Variants in GALNT13 observed in about 807,000 individuals in gnomAD.
GALNT13 encodes UDP-GalNAc:polypeptide N-acetylgalactosaminyltransferase 13.
GALNT13 carries 28 observed loss-of-function variants against 64.2 expected under a neutral mutation model. The observed-to-expected ratio is 0.44, with a 90% confidence interval of 0.32 to 0.60. The LOEUF (loss-of-function observed/expected upper bound fraction) is 0.60. GALNT13 is among the 20% of genes least tolerant of loss of function. The pLI is 0.05. For synonymous variants in GALNT13, 214 were observed against 224.6 expected, an observed-to-expected ratio of 0.95 and a Z score of 0.42; for missense variants, 577 against 669.8, an observed-to-expected ratio of 0.86 and a Z score of 1.53.
the GALNT13 span, among the ~76,000 whole-genome samples, chr2:153,414,061 CA>C: frequency 4.6e-5 from 7 of 152,090 alleles, no homozygotes; most frequent in East Asian, 9.6e-4. Flanking sequence ...AAATTTTAAA[CA>C]ACCTTATTTC....
the GALNT13 span, among the ~76,000 whole-genome samples, chr2:153,469,804 T>G: frequency 1.3e-5 from 2 of 152,018 alleles, no homozygotes; most frequent in Admixed American, 1.3e-4. Flanking sequence ...AACATAAAAT[T>G]TACCATTTCA....
At chr2:153,875,574 A>G (rs1276008524) in intron 1 of GALNT13, among the ~76,000 whole-genome samples, 3 of 152,182 alleles carry the variant, frequency 2.0e-5, no homozygotes, top group Non-Finnish European at 4.4e-5. Flanking sequence ...GAGCATTTTC[A>G]TGTAATAGAG....
At chr2:153,554,986 T>C in the GALNT13 span, among the ~76,000 whole-genome samples, 26,152 of 152,024 alleles carry the variant, frequency 0.17, 2,362 homozygotes, top group South Asian at 0.24. Context: ...CCAGGCCTAA[T>C]ATATCACCTA....
chr2:153,501,988 C>A, the GALNT13 span, among the ~76,000 whole-genome samples: 1 of 152,188 alleles, frequency 6.6e-6, no homozygotes, highest in Non-Finnish European at 1.5e-5. Context: ...ACCATTCCTA[C>A]AACCAGTTTG....
At chr2:153,691,065 C>T in the GALNT13 span, among the ~76,000 whole-genome samples, 6 of 152,214 alleles carry the variant, frequency 3.9e-5, no homozygotes, top group East Asian at 1.2e-3. Context: ...TCGTGATTGA[C>T]CAGCTTTCCA....
At position 154,444,364 on chromosome 2, in the gene GALNT13, A is replaced by T. The variant is rs80036375; in HGVS notation, c.1530+5638A>T. On this transcript the variant is annotated intron_variant, in intron 12 of 12. Coordinates refer to ENST00000392825, the MANE Select transcript of GALNT13 (RefSeq NM_052917.4). ...AGTAGAAATGTAGCCAAAGAAAATG[A>T]AAAAAAGTTTTTAAAAAACATAAAT... Among the ~76,000 whole-genome samples, 15 of 152,244 alleles carry T rather than the reference A, an allele frequency of 9.9e-5. No homozygotes were observed. In the East Asian group the frequency reaches 2.9e-3, roughly 29 times the overall value.
the GALNT13 span, among the ~76,000 whole-genome samples, chr2:153,392,643 TC>T: frequency 6.6e-6 from 1 of 151,954 alleles, no homozygotes; most frequent in East Asian, 1.9e-4. Flanking sequence ...TCTGGGGAGA[TC>T]AGTCTTTTTT....
intron 3 of GALNT13, among the ~76,000 whole-genome samples, chr2:154,043,995 C>A (rs781773889): frequency 7.2e-5 from 11 of 151,916 alleles, no homozygotes; most frequent in Non-Finnish European, 1.2e-4. Context: ...TCACTTGAAC[C>A]CAGAAGGCAG....
chr2:154,074,974 C>T (rs1362583666), intron 3 of GALNT13, among the ~76,000 whole-genome samples: 1 of 151,760 alleles, frequency 6.6e-6, no homozygotes, highest in African/African-American at 2.4e-5. Flanking sequence ...GAAAACGTTC[C>T]CCTTGAGACC....
At chr2:153,225,291 A>T in the GALNT13 span, among the ~76,000 whole-genome samples, 2 of 152,254 alleles carry the variant, frequency 1.3e-5, no homozygotes, top group Non-Finnish European at 2.9e-5. Flanking sequence ...TTTATGATTT[A>T]AAATTTTTTT....
the GALNT13 span, among the ~76,000 whole-genome samples, chr2:153,232,513 C>T: frequency 3.3e-5 from 5 of 152,250 alleles, no homozygotes; most frequent in African/African-American, 4.8e-5. Context: ...TTTAAGACCT[C>T]GCTATAATTT....
At chr2:153,258,543 A>G in the GALNT13 span, among the ~76,000 whole-genome samples, 13 of 152,016 alleles carry the variant, frequency 8.6e-5, no homozygotes, top group African/African-American at 2.9e-4. Flanking sequence ...AATATGCATC[A>G]TTAGGTTGTT....
intron 3 of GALNT13, among the ~76,000 whole-genome samples, chr2:154,010,940 G>A (rs908081137): frequency 6.6e-6 from 1 of 151,742 alleles, no homozygotes; most frequent in African/African-American, 2.4e-5. Flanking sequence ...TGGGGTCAGT[G>A]ATAATGTCCC....
At chr2:153,478,119 G>T in the GALNT13 span, 3 of 807,210 alleles carry the variant, frequency 3.7e-6, no homozygotes, top group South Asian at 1.8e-5. Flanking sequence ...GGCCGAAGTC[G>T]AGAGAAATAA....
intron 3 of GALNT13, among the ~76,000 whole-genome samples, chr2:154,003,384 C>T (rs542076268): frequency 1.3e-5 from 2 of 152,198 alleles, no homozygotes; most frequent in Admixed American, 6.5e-5. Flanking sequence ...GCTTGGGAGA[C>T]GTGGGCGTTT....
chr2:153,918,455 C>A lies in GALNT13; in HGVS notation c.-105+17448C>A, dbSNP rs117446519. 2.7e-3 allele frequency among the ~76,000 whole-genome samples: 411 copies of A among 152,230 alleles called. 8 individuals are homozygous for A. In the East Asian group the frequency reaches 0.055, roughly 20 times the overall value. ...CCACAGTTTCATTTTCATAGCCAACCTTTGCTACTCCCCTATGCTCTAACC... is the reference window on the plus strand; with the variant it reads ...CCACAGTTTCATTTTCATAGCCAACATTTGCTACTCCCCTATGCTCTAACC... On this transcript the variant is annotated intron_variant, in intron 2 of 12. Coordinates refer to ENST00000392825, the MANE Select transcript of GALNT13 (RefSeq NM_052917.4).
intron 12 of GALNT13, chr2:154,446,870 C>A: frequency 8.7e-7 from 1 of 1,153,024 alleles, no homozygotes. Flanking sequence ...ATTTGTATGA[C>A]CTTTTCTCCA....
the GALNT13 span, among the ~76,000 whole-genome samples, chr2:153,812,570 T>A: frequency 3.3e-5 from 5 of 152,176 alleles, no homozygotes; most frequent in Admixed American, 3.3e-4. Context: ...TTATAGCCCA[T>A]TCTTACCTTA....
At chr2:153,961,467 G>T (rs1482713343) in intron 3 of GALNT13, among the ~76,000 whole-genome samples, 1 of 142,586 alleles carries the variant, frequency 7.0e-6, no homozygotes, top group Non-Finnish European at 1.5e-5. Flanking sequence ...TTTATATAAG[G>T]CAAATGCATT....
Sources: allele counts gnomAD v4.1 joint callset (sites outside exome capture counted in the v4.1 genomes callset), GRCh38; gene constraint gnomAD v4.1.1; transcripts MANE v1.5; gene names NCBI Gene and HGNC (gene_info 2026-07-23, HGNC 2026-07-21).